The following RREB1 variants were observed in gnomAD, a reference collection of about 807,000 sequenced individuals.
RREB1 encodes ras-responsive element-binding protein 1.
In RREB1, 27 loss-of-function variants were observed where a neutral mutation model predicts 117.8. That is an observed-to-expected ratio of 0.23 (90% CI 0.17 to 0.32). The LOEUF (loss-of-function observed/expected upper bound fraction) is 0.32. Ranked by LOEUF, RREB1 falls within the 10% of genes least tolerant of loss-of-function variation. The probability of loss-of-function intolerance (pLI) is 1.00; values close to 1 mark genes in which losing one functional copy is unlikely to be tolerated. For missense variants in RREB1, 2,577 were observed against 2,378.2 expected (o/e 1.08, Z -1.74); for synonymous variants, 1,298 against 1,026.7 (o/e 1.26, Z -5.05).
chr6:7,170,487 C>A (rs895799996), intron 1 of RREB1, among the ~76,000 whole-genome samples: 3 of 152,204 alleles, frequency 2.0e-5, no homozygotes, highest in African/African-American at 7.2e-5. Flanking sequence ...CCACAACCAC[C>A]TCCAAGGAGC....
At chr6:7,207,739 G>A (rs1037408464) in intron 6 of RREB1, among the ~76,000 whole-genome samples, 11 of 152,214 alleles carry the variant, frequency 7.2e-5, no homozygotes, top group Admixed American at 6.5e-4. Context: ...TGCAAGCAGA[G>A]CTTGAGGGGG....
intron 10 of RREB1, among the ~76,000 whole-genome samples, chr6:7,237,595 C>G (rs1420594277): frequency 6.6e-6 from 1 of 152,196 alleles, no homozygotes; most frequent in Non-Finnish European, 1.5e-5. Flanking sequence ...GCAGGTAACT[C>G]ACTGTGGTTA....
chr6:7,223,390 C>T (rs1039077134), intron 8 of RREB1, among the ~76,000 whole-genome samples: 41 of 151,750 alleles, frequency 2.7e-4, no homozygotes, highest in African/African-American at 9.0e-4. Context: ...GGAGAAACCC[C>T]GTCTCTACTA....
intron 8 of RREB1, chr6:7,213,079 C>T (rs1364994825): frequency 1.3e-5 from 2 of 152,232 alleles, no homozygotes; most frequent in Admixed American, 6.5e-5. Context: ...CCAGCTACAT[C>T]TGAACCTGTT....
At chr6:7,151,244 T>C (rs1357107218) in intron 1 of RREB1, among the ~76,000 whole-genome samples, 2 of 152,272 alleles carry the variant, frequency 1.3e-5, no homozygotes, top group African/African-American at 4.8e-5. Context: ...TACTAGATAT[T>C]GTATTATGTA....
intron 1 of RREB1, among the ~76,000 whole-genome samples, chr6:7,154,344 A>C (rs1581460550): frequency 6.6e-6 from 1 of 152,194 alleles, no homozygotes; most frequent in African/African-American, 2.4e-5. Context: ...GAAATCTGTT[A>C]TCATAAGCTC....
At chr6:7,179,981 G>T (rs1207765045) in intron 2 of RREB1, among the ~76,000 whole-genome samples, 1 of 151,960 alleles carries the variant, frequency 6.6e-6, no homozygotes, top group Non-Finnish European at 1.5e-5. Flanking sequence ...AATTTAAAGG[G>T]TCTGCTAGCA....
In RREB1 at chr6:7,240,550, C is replaced by T. The variant is rs761846714; in HGVS notation, c.3921C>T (p.Asn1307=). ...HGVTTCSLRR[N]GLIPQSKESD... is the part of the protein sequence containing the mutation. ...TTACCACCTGTTCCCTGAGAAGAAA[C>T]GGGCTTATCCCCCAGTCAAAAGAGA... is the stretch of plus-strand genomic sequence containing the variant. Residue 1307 remains asparagine (N), a synonymous_variant, in exon 11 of 13, where the codon AAC becomes AAT. Transcript: ENST00000379938. 6.2e-6 allele frequency: 10 copies of T among 1,613,716 alleles called. No homozygotes were observed. The highest frequency in any genetic ancestry group is 3.3e-5 in the Admixed American group (2 of 59,974).
intron 1 of RREB1, among the ~76,000 whole-genome samples, chr6:7,124,293 G>C (rs550468320): frequency 3.7e-4 from 56 of 152,302 alleles, no homozygotes; most frequent in African/African-American, 1.3e-3. Flanking sequence ...CAAGAAAAGG[G>C]GGGGAGTATA....
At chr6:7,199,751 C>G (rs1401977958) in intron 6 of RREB1, among the ~76,000 whole-genome samples, 1 of 151,998 alleles carries the variant, frequency 6.6e-6, no homozygotes, top group Non-Finnish European at 1.5e-5. Context: ...GCAACCTCAA[C>G]CTCCCAGGCT....
In RREB1 at chr6:7,110,064, C is replaced by T. The variant is rs563915375; in HGVS notation, c.-285+2004C>T. Among the ~76,000 whole-genome samples the T allele has an allele frequency of 6.6e-5, 10 of 152,178 alleles. No individual in the cohort carries two copies. In the South Asian group the frequency reaches 2.1e-3, roughly 32 times the overall value. On this transcript the variant is annotated intron_variant, in intron 1 of 12. Coordinates refer to ENST00000379938, the MANE Select transcript of RREB1 (RefSeq NM_001003699.4). ...TTTCTGTCTTAAGAAGAAATGATTTCTGCAAAGGCAGAGTTGCTAGTGCAT... is the reference window on the plus strand; with the variant it reads ...TTTCTGTCTTAAGAAGAAATGATTTTTGCAAAGGCAGAGTTGCTAGTGCAT...
At chr6:7,201,017 A>G (rs893243173) in intron 6 of RREB1, among the ~76,000 whole-genome samples, 1 of 152,220 alleles carries the variant, frequency 6.6e-6, no homozygotes, top group African/African-American at 2.4e-5. Context: ...AGAATCTGGA[A>G]CATCGTGCTT....
At chr6:7,144,558 G>T (rs1762773241) in intron 1 of RREB1, among the ~76,000 whole-genome samples, 1 of 150,334 alleles carries the variant, frequency 6.7e-6, no homozygotes, top group South Asian at 2.1e-4. Flanking sequence ...ACATTCTTTG[G>T]CCCTGTGTAA....
intron 1 of RREB1, among the ~76,000 whole-genome samples, chr6:7,171,573 T>G (rs1764210374): frequency 6.6e-6 from 1 of 152,224 alleles, no homozygotes; most frequent in Non-Finnish European, 1.5e-5. Context: ...ACTCAGTCCC[T>G]CTCAACCTTT....
intron 1 of RREB1, among the ~76,000 whole-genome samples, chr6:7,113,719 GTGTAT>G (rs1395678453): frequency 6.6e-6 from 1 of 152,196 alleles, no homozygotes; most frequent in Non-Finnish European, 1.5e-5. Flanking sequence ...TTATCTCCAT[GTGTAT>G]GGTGTGTGGT....
At chr6:7,175,602 T>C (rs1764458665) in intron 1 of RREB1, among the ~76,000 whole-genome samples, 1 of 152,188 alleles carries the variant, frequency 6.6e-6, no homozygotes, top group Non-Finnish European at 1.5e-5. Flanking sequence ...TTTCTCCCAG[T>C]TTTGTGCTCT....
At chr6:7,128,460 T>C (rs1323918106) in intron 1 of RREB1, among the ~76,000 whole-genome samples, 3 of 152,098 alleles carry the variant, frequency 2.0e-5, no homozygotes, top group Non-Finnish European at 4.4e-5. Flanking sequence ...CATGTATGTC[T>C]CTGTGTGTAA....
rs546027164 is a variant in RREB1 at position 7,215,512 on chromosome 6, G to C, written c.707+3803G>C. 7 of 152,102 alleles carry C rather than the reference G, an allele frequency of 4.6e-5. No individual in the cohort carries two copies. In the East Asian group the frequency reaches 1.2e-3, roughly 25 times the overall value. The allele number at this position is 152,102 out of a possible 1,614,324, so 9.4% of individuals were successfully genotyped here. ...GCCGTCACATGCAGCTAATTTTTTTGTATATTTTGCAGAGACAGAGTCTCC... is the reference window on the plus strand; with the variant it reads ...GCCGTCACATGCAGCTAATTTTTTTCTATATTTTGCAGAGACAGAGTCTCC... On this transcript the variant is annotated intron_variant, in intron 8 of 12. Transcript: ENST00000379938.
intron 1 of RREB1, among the ~76,000 whole-genome samples, chr6:7,133,384 T>C (rs1331976674): frequency 6.6e-6 from 1 of 152,112 alleles, no homozygotes; most frequent in Admixed American, 6.5e-5. Context: ...CAAGAGCCAA[T>C]ACATCAAAAT....
Sources: allele counts gnomAD v4.1 joint callset (sites outside exome capture counted in the v4.1 genomes callset), GRCh38; gene constraint gnomAD v4.1.1; transcripts MANE v1.5; gene names NCBI Gene and HGNC (gene_info 2026-07-23, HGNC 2026-07-21).